Variants in TSHZ2 observed in about 807,000 individuals in gnomAD.
TSHZ2 encodes the protein teashirt homolog 2.
TSHZ2 carries 21 observed loss-of-function variants against 74.4 expected under a neutral mutation model. That is an observed-to-expected ratio of 0.28 (90% CI 0.20 to 0.41). The LOEUF (loss-of-function observed/expected upper bound fraction) is 0.41, where lower values mean the gene tolerates loss of function less well. Among genes scored for constraint, TSHZ2 ranks in the 10% least tolerant of loss-of-function variants. The pLI is 1.00. For synonymous variants in TSHZ2, 540 were observed against 515.3 expected (o/e 1.05, Z -0.65); for missense variants, 1,244 against 1,293.5 (o/e 0.96, Z 0.59).
At chr20:53,097,737 T>TC (rs1986095087) in intron 1 of TSHZ2, 2 of 155,328 alleles carry the variant, frequency 1.3e-5, no homozygotes, top group South Asian at 4.2e-4. Flanking sequence ...TAGGCGGGTG[T>TC]CCCCTTCCTC....
chr20:53,046,123 G>C (rs951135296), intron 1 of TSHZ2, among the ~76,000 whole-genome samples: 1 of 152,254 alleles, frequency 6.6e-6, no homozygotes, highest in Admixed American at 6.5e-5. Context: ...GGTCTGGACA[G>C]TGTATCTGTC....
At chr20:53,349,253 T>C (rs73913705) in intron 2 of TSHZ2, among the ~76,000 whole-genome samples, 3,440 of 152,326 alleles carry the variant, frequency 0.023, 127 homozygotes, top group African/African-American at 0.079. Flanking sequence ...GAGGATTAAC[T>C]TAGTTAATAA....
intron 2 of TSHZ2, among the ~76,000 whole-genome samples, chr20:53,363,954 C>T (rs961015587): frequency 6.6e-6 from 1 of 152,064 alleles, no homozygotes; most frequent in African/African-American, 2.4e-5. Flanking sequence ...ACAAAACAGA[C>T]AAAATTATTT....
At chr20:52,999,954 T>A (rs999049380) in intron 1 of TSHZ2, among the ~76,000 whole-genome samples, 1 of 152,180 alleles carries the variant, frequency 6.6e-6, no homozygotes, top group Non-Finnish European at 1.5e-5. Context: ...GTGACGATGA[T>A]GATGGTAATG....
At chr20:53,050,103 G>GTGTATATATATATATATATA (rs1555819290) in intron 1 of TSHZ2, among the ~76,000 whole-genome samples, 6 of 116,056 alleles carry the variant, frequency 5.2e-5, no homozygotes, top group African/African-American at 1.2e-4. Context: ...GTATATGTGT[G>GTGTATATATATATATATATA]TATATATATA....
chr20:53,431,992 AT>A (rs1354400707), intron 2 of TSHZ2, among the ~76,000 whole-genome samples: 1 of 152,184 alleles, frequency 6.6e-6, no homozygotes, highest in East Asian at 1.9e-4. Flanking sequence ...TGGGTTTTTT[AT>A]TTAAATAGCT....
chr20:53,449,585 TA>T (rs974912842), intron 2 of TSHZ2, among the ~76,000 whole-genome samples: 7 of 152,342 alleles, frequency 4.6e-5, no homozygotes, highest in African/African-American at 1.7e-4. Flanking sequence ...ATGTGTTGGT[TA>T]AATGAACTCA....
chr20:53,140,761 C>A (rs1369247004), intron 1 of TSHZ2, among the ~76,000 whole-genome samples: 10 of 152,120 alleles, frequency 6.6e-5, no homozygotes, highest in African/African-American at 1.2e-4. Flanking sequence ...GCTTCCCAGA[C>A]CTTCTGCCGT....
At chr20:53,356,614 A>G (rs530429274) in intron 2 of TSHZ2, among the ~76,000 whole-genome samples, 1 of 152,324 alleles carries the variant, frequency 6.6e-6, no homozygotes, top group African/African-American at 2.4e-5. Context: ...AAGATCATAG[A>G]TAAAAGCTGG....
intron 2 of TSHZ2, among the ~76,000 whole-genome samples, chr20:53,289,878 A>G (rs1018208449): frequency 6.6e-6 from 1 of 152,224 alleles, no homozygotes; most frequent in Non-Finnish European, 1.5e-5. Context: ...AAGACTATTA[A>G]TTATAGCCAG....
intron 2 of TSHZ2, among the ~76,000 whole-genome samples, chr20:53,265,106 A>T (rs745335872): frequency 1.3e-5 from 2 of 152,078 alleles, no homozygotes; most frequent in Admixed American, 6.5e-5. Flanking sequence ...ATTGAAAATG[A>T]AAACTGGAGA....
chr20:53,246,414 G>C (rs1372457304), intron 1 of TSHZ2, among the ~76,000 whole-genome samples: 2 of 152,166 alleles, frequency 1.3e-5, no homozygotes, highest in African/African-American at 2.4e-5. Context: ...CAAGTGTCCA[G>C]TCTAGCTGAG....
rs1429595715 is a variant in TSHZ2 at position 53,469,876 on chromosome 20, G to GA, written c.*9-17260dup. Among the ~76,000 whole-genome samples, 6 of 134,948 alleles carry GA rather than the reference G, an allele frequency of 4.4e-5. 1 individual carries two copies. The highest frequency in any genetic ancestry group is 1.5e-4 in the Admixed American group (2 of 13,224). The allele number at this position is 134,948 out of a possible 152,430, so 88.5% of individuals were successfully genotyped here. The stretch of plus-strand genomic sequence containing the variant: ...AGGAAGGAAGGAAGGACCCAAGAAA[G>GA]AAAAAAAAGAGAGAGAGGAAAGGAG... On this transcript the variant is annotated intron_variant, in intron 2 of 2. Transcript: ENST00000371497.
chr20:53,095,191 T>G (rs1355105793), intron 1 of TSHZ2, among the ~76,000 whole-genome samples: 1 of 152,238 alleles, frequency 6.6e-6, no homozygotes, highest in Non-Finnish European at 1.5e-5. Flanking sequence ...TATATTTCTC[T>G]GGGTCACTTT....
At chr20:53,414,144 T>A (rs1029930588) in intron 2 of TSHZ2, among the ~76,000 whole-genome samples, 3 of 151,688 alleles carry the variant, frequency 2.0e-5, no homozygotes, top group African/African-American at 7.3e-5. Flanking sequence ...AGAAATAAAA[T>A]TTAAAAAATT....
chr20:53,266,307 T>C (rs917563377), intron 2 of TSHZ2, among the ~76,000 whole-genome samples: 1 of 152,132 alleles, frequency 6.6e-6, no homozygotes, highest in Non-Finnish European at 1.5e-5. Context: ...AAAGGAAATC[T>C]TCTGGAAACA....
chr20:52,977,158 A>G (rs1023111846), intron 1 of TSHZ2, among the ~76,000 whole-genome samples: 1 of 152,124 alleles, frequency 6.6e-6, no homozygotes, highest in African/African-American at 2.4e-5. Context: ...ATGACTCTGA[A>G]TTAACCGGTG....
chr20:52,988,796 G>A (rs1981867686), intron 1 of TSHZ2, among the ~76,000 whole-genome samples: 1 of 152,152 alleles, frequency 6.6e-6, no homozygotes, highest in Non-Finnish European at 1.5e-5. Context: ...GGGCGTCTCA[G>A]TAAGAATCGT....
intron 1 of TSHZ2, among the ~76,000 whole-genome samples, chr20:53,131,403 A>G (rs1987096630): frequency 6.6e-6 from 1 of 152,202 alleles, no homozygotes; most frequent in African/African-American, 2.4e-5. Flanking sequence ...CCTGCAATCT[A>G]GCTGGAGGCC....
Sources: gnomAD v4.1 joint callset for allele counts (sites outside exome capture counted in the v4.1 genomes callset) on GRCh38, gnomAD v4.1.1 for gene constraint, MANE v1.5 for transcripts, NCBI Gene and HGNC (gene_info 2026-07-23, HGNC 2026-07-21) for gene names.